Variants in DACH2 observed in about 807,000 individuals in gnomAD.
DACH2 encodes dachshund homolog 2.
DACH2 carries 17 observed loss-of-function variants against 35.8 expected under a neutral mutation model. The ratio of observed to expected loss-of-function variants is 0.48; its 90% CI spans 0.33 to 0.71. DACH2 has a LOEUF of 0.71. Ranked by LOEUF, DACH2 falls within the 30% of genes least tolerant of loss-of-function variation. The pLI is 0.02. For missense variants in DACH2, 469 were observed against 472.7 expected, an observed-to-expected ratio of 0.99 and a Z score of 0.07; for synonymous variants, 195 against 177.3, an observed-to-expected ratio of 1.10 and a Z score of -0.79.
At chrX:86,789,650 T>C (rs770511202) in intron 7 of DACH2, among the ~76,000 whole-genome samples, 2 of 112,065 alleles carry the variant, frequency 1.8e-5, no homozygotes, top group South Asian at 7.4e-4. Flanking sequence ...GATATAGCTC[T>C]ACCTTGGTTC....
chrX:86,320,200 A>T (rs1373877031), intron 1 of DACH2, among the ~76,000 whole-genome samples: 1 of 112,203 alleles, frequency 8.9e-6, no homozygotes. Flanking sequence ...AAAAAGTAAT[A>T]CAGTTGACTG....
chrX:86,676,977 G>A (rs2040831820), intron 4 of DACH2, among the ~76,000 whole-genome samples: 1 of 111,242 alleles, frequency 9.0e-6, no homozygotes, highest in African/African-American at 3.3e-5. Context: ...AAGGCACACA[G>A]AGATATTTAC....
chrX:86,216,350 C>G (rs2032570602), intron 1 of DACH2, among the ~76,000 whole-genome samples: 2 of 109,991 alleles, frequency 1.8e-5, no homozygotes, highest in Non-Finnish European at 3.8e-5. Context: ...TAATGCTATC[C>G]CTCCCCCAGC....
intron 3 of DACH2, among the ~76,000 whole-genome samples, chrX:86,600,448 TTC>T (rs1253926988): frequency 1.8e-5 from 2 of 112,136 alleles, no homozygotes; most frequent in East Asian, 5.6e-4. Flanking sequence ...CTGATAGTTT[TTC>T]TTTCTCAGTG....
intron 3 of DACH2, among the ~76,000 whole-genome samples, chrX:86,534,057 A>G (rs1047458792): frequency 2.7e-5 from 3 of 112,437 alleles, no homozygotes; most frequent in African/African-American, 9.7e-5. Flanking sequence ...GTGCTCTGGA[A>G]TATTTATTAA....
intron 11 of DACH2, 97 bp from the exon 12 acceptor site, chrX:86,832,009 G>T (rs1380502151): frequency 5.5e-6 from 3 of 544,510 alleles, no homozygotes; most frequent in East Asian, 7.4e-5. Context: ...TGTTACATCA[G>T]ATCATTTTAG....
intron 2 of DACH2, chrX:86,481,785 G>A (rs899209892): frequency 1.8e-5 from 2 of 112,075 alleles, no homozygotes; most frequent in Non-Finnish European, 1.9e-5. Flanking sequence ...TAGATACAAC[G>A]TTGAATGGAT....
At chrX:86,455,420 C>T (rs185608604) in intron 2 of DACH2, among the ~76,000 whole-genome samples, 404 of 111,577 alleles carry the variant, frequency 3.6e-3, no homozygotes, top group Middle Eastern at 9.3e-3. Flanking sequence ...TGGTGACCGT[C>T]CCTCCCCCCG....
chrX:86,289,578 C>T (rs1438219202), intron 1 of DACH2, among the ~76,000 whole-genome samples: 1 of 71,115 alleles, frequency 1.4e-5, no homozygotes, highest in East Asian at 6.2e-4. Flanking sequence ...CCCCTCCCCC[C>T]ACCCCACAAC....
intron 2 of DACH2, among the ~76,000 whole-genome samples, chrX:86,495,043 AATTT>A (rs1022726384): frequency 1.8e-5 from 2 of 110,432 alleles, no homozygotes; most frequent in Admixed American, 1.9e-4. Flanking sequence ...ATTATTAATT[AATTT>A]ATTTATTTAT....
chrX:86,477,557 A>G (rs1372174716), intron 2 of DACH2, among the ~76,000 whole-genome samples: 2 of 108,418 alleles, frequency 1.8e-5, no homozygotes, highest in Non-Finnish European at 3.8e-5. Context: ...GTGTTTCTAT[A>G]TAGGTGAAGT....
chrX:86,273,848 G>T (rs995787264), intron 1 of DACH2, among the ~76,000 whole-genome samples: 2 of 112,314 alleles, frequency 1.8e-5, no homozygotes, highest in Non-Finnish European at 3.8e-5. Flanking sequence ...ACATTTAAGA[G>T]CAAACCAGTG....
At chrX:86,728,049 G>A (rs2041490865) in intron 6 of DACH2, among the ~76,000 whole-genome samples, 1 of 112,169 alleles carries the variant, frequency 8.9e-6, no homozygotes, top group Non-Finnish European at 1.9e-5. Flanking sequence ...GTTAGAGACT[G>A]ATTAAATGGT....
At chrX:86,307,247 C>G (rs1315206959) in intron 1 of DACH2, among the ~76,000 whole-genome samples, 1 of 111,844 alleles carries the variant, frequency 8.9e-6, no homozygotes, top group Non-Finnish European at 1.9e-5. Flanking sequence ...TAAGATTGCC[C>G]TGAGTGAGAG....
chrX:86,768,456 T>A (rs1159064323), intron 7 of DACH2, among the ~76,000 whole-genome samples: 2 of 110,956 alleles, frequency 1.8e-5, no homozygotes, highest in African/African-American at 6.6e-5. Flanking sequence ...AAGTTACAGA[T>A]CATATGCAGA....
intron 1 of DACH2, among the ~76,000 whole-genome samples, chrX:86,336,700 G>T (rs1017801393): frequency 1.8e-5 from 2 of 110,462 alleles, no homozygotes; most frequent in African/African-American, 6.6e-5. Flanking sequence ...CACCAGCAAG[G>T]GAACAAAACT....
At chrX:86,825,464 T>C (rs1003268717) in intron 11 of DACH2, among the ~76,000 whole-genome samples, 6 of 111,499 alleles carry the variant, frequency 5.4e-5, no homozygotes, top group African/African-American at 1.3e-4. Flanking sequence ...TTGTAACTTA[T>C]ATGCTTATGG....
At chrX:86,662,134 T>C (rs1187806769) in intron 4 of DACH2, among the ~76,000 whole-genome samples, 2 of 112,061 alleles carry the variant, frequency 1.8e-5, no homozygotes, top group Admixed American at 1.9e-4. Flanking sequence ...ATAGTAGTAT[T>C]GTCATCAAAA....
intron 1 of DACH2, among the ~76,000 whole-genome samples, chrX:86,160,004 C>A (rs1373350331): frequency 1.8e-5 from 2 of 108,738 alleles, no homozygotes; most frequent in Non-Finnish European, 3.8e-5. Context: ...TTAAAAAGTA[C>A]TGATTTTAAA....
Sources: gnomAD v4.1 joint callset for allele counts (sites outside exome capture counted in the v4.1 genomes callset) on GRCh38, gnomAD v4.1.1 for gene constraint, MANE v1.5 for transcripts, NCBI Gene and HGNC (gene_info 2026-07-23, HGNC 2026-07-21) for gene names.